SORCS1: variants seen among roughly 807,000 people sequenced by gnomAD.
SORCS1 encodes the protein VPS10 domain-containing receptor SorCS1.
SORCS1 carries 60 observed loss-of-function variants against 146.1 expected under a neutral mutation model. The ratio of observed to expected loss-of-function variants is 0.41; its 90% CI spans 0.33 to 0.51. The LOEUF is 0.51. Among genes scored for constraint, SORCS1 ranks in the 20% least tolerant of loss-of-function variants. The probability of loss-of-function intolerance (pLI) is 0.21; values close to 1 mark genes in which losing one functional copy is unlikely to be tolerated. For synonymous variants in SORCS1, 637 were observed against 584.0 expected, an observed-to-expected ratio of 1.09 and a Z score of -1.31; for missense variants, 1,352 against 1,487.6, an observed-to-expected ratio of 0.91 and a Z score of 1.50.
intron 3 of SORCS1, among the ~76,000 whole-genome samples, chr10:106,808,910 A>G (rs1212475627): frequency 6.6e-6 from 1 of 151,678 alleles, no homozygotes; most frequent in African/African-American, 2.4e-5. Context: ...TCAATCTGAA[A>G]CTCCCTCCAC....
chr10:106,701,142 T>C (rs1280805015), intron 8 of SORCS1, among the ~76,000 whole-genome samples: 2 of 152,222 alleles, frequency 1.3e-5, no homozygotes, highest in East Asian at 1.9e-4. Flanking sequence ...GTAAAGGCTA[T>C]GTAAATAGTT....
intron 1 of SORCS1, among the ~76,000 whole-genome samples, chr10:107,024,940 G>A (rs1043737690): frequency 5.3e-4 from 80 of 152,274 alleles, no homozygotes; most frequent in African/African-American, 1.9e-3. Flanking sequence ...ACTCTATTTT[G>A]GAAGAATCAG....
Position 106,880,794 on chromosome 10 carries a change from C to T in SORCS1, c.627-51121G>A, listed in dbSNP as rs150639200. 1.6e-4 allele frequency among the ~76,000 whole-genome samples: 25 copies of T among 152,088 alleles called. No individual in the cohort carries two copies. The East Asian group carries it at 4.7e-3, about 28-fold the overall frequency. On this transcript the variant is annotated intron_variant, in intron 2 of 25. Coordinates refer to ENST00000263054, the MANE Select transcript of SORCS1 (RefSeq NM_052918.5). ...CTAAGAAACAAGCAGTAGGCCATTT[C>T]GAAAGCAGAATAAGCCGGGCACGGT...
chr10:106,709,373 G>C (rs376118085), intron 6 of SORCS1, 32 bp from the exon 7 acceptor site: 13 of 1,368,524 alleles, frequency 9.5e-6, no homozygotes, highest in Admixed American at 1.7e-5. Flanking sequence ...AAAAACATGG[G>C]GTTGAGGGGG....
chr10:106,840,678 G>A (rs1948985748), intron 2 of SORCS1, among the ~76,000 whole-genome samples: 1 of 151,932 alleles, frequency 6.6e-6, no homozygotes, highest in Non-Finnish European at 1.5e-5. Flanking sequence ...AATTTTTCAT[G>A]AAAGGAAGAG....
chr10:106,605,283 C>T (rs1431421063), intron 23 of SORCS1, among the ~76,000 whole-genome samples: 1 of 152,200 alleles, frequency 6.6e-6, no homozygotes, highest in Non-Finnish European at 1.5e-5. Flanking sequence ...AAGACACATC[C>T]ATACATAAGT....
At chr10:106,956,635 A>G (rs1350345319) in intron 1 of SORCS1, 55 bp from the exon 2 acceptor site, 1 of 1,504,564 alleles carries the variant, frequency 6.6e-7, no homozygotes, top group African/African-American at 1.4e-5. Context: ...ATCTCTTAGA[A>G]CTGAAATGGC....
intron 24 of SORCS1, among the ~76,000 whole-genome samples, chr10:106,585,658 A>C (rs1845188016): frequency 6.6e-6 from 1 of 152,236 alleles, no homozygotes; most frequent in African/African-American, 2.4e-5. Context: ...GGCAAGAGGT[A>C]AAATCTGTTT....
chr10:106,814,093 C>T (rs191173911), intron 3 of SORCS1, among the ~76,000 whole-genome samples: 1 of 152,294 alleles, frequency 6.6e-6, no homozygotes, highest in East Asian at 1.9e-4. Context: ...AGTACTGAGA[C>T]CTGGACTTAC....
intron 9 of SORCS1, among the ~76,000 whole-genome samples, chr10:106,691,916 C>T (rs1853324783): frequency 9.7e-6 from 1 of 103,444 alleles, no homozygotes; most frequent in South Asian, 3.8e-4. Flanking sequence ...CCAATTTGGT[C>T]ATCCCCTGTG....
At chr10:106,700,496 G>A (rs930858327) in intron 8 of SORCS1, among the ~76,000 whole-genome samples, 8 of 152,046 alleles carry the variant, frequency 5.3e-5, no homozygotes, top group Admixed American at 6.6e-5. Context: ...GAAGAACAAC[G>A]TAGAACAATT....
intron 1 of SORCS1, among the ~76,000 whole-genome samples, chr10:106,983,488 G>A (rs1956326158): frequency 6.6e-6 from 1 of 152,006 alleles, no homozygotes; most frequent in East Asian, 1.9e-4. Flanking sequence ...TCTTTCCACA[G>A]GACAATGAGG....
At chr10:106,977,589 A>ATTTTTT (rs35526585) in intron 1 of SORCS1, among the ~76,000 whole-genome samples, 7 of 133,448 alleles carry the variant, frequency 5.2e-5, no homozygotes, top group African/African-American at 2.0e-4. Context: ...CATTCATTGG[A>ATTTTTT]TTTTTTTTTT....
chr10:106,856,543 C>T (rs1241011369), intron 2 of SORCS1, among the ~76,000 whole-genome samples: 20 of 152,172 alleles, frequency 1.3e-4, no homozygotes, highest in Admixed American at 1.3e-3. Context: ...CTAGTTTCTC[C>T]TGAGGGCAGG....
rs186617254 is a variant in SORCS1, at chr10:106,813,588, A to T, written c.726+15986T>A. Among the ~76,000 whole-genome samples the T allele has an allele frequency of 2.6e-5, 4 of 152,266 alleles. No individual in the cohort carries two copies. In the East Asian group the frequency reaches 7.7e-4, roughly 29 times the overall value. On this transcript the variant is annotated intron_variant, in intron 3 of 25. Transcript: ENST00000263054. ...TGTCTTGTTACAGAAATGGCATGAC[A>T]TCTCCCTGCCATTGAAAATCTATCT...
At chr10:106,634,729 C>T (rs946839322) in intron 18 of SORCS1, among the ~76,000 whole-genome samples, 7 of 152,108 alleles carry the variant, frequency 4.6e-5, no homozygotes, top group Non-Finnish European at 7.3e-5. Context: ...TCTGTCTACC[C>T]ACTAGTAAGA....
intron 5 of SORCS1, among the ~76,000 whole-genome samples, chr10:106,740,520 G>A (rs1857289719): frequency 6.6e-6 from 1 of 152,048 alleles, no homozygotes; most frequent in Non-Finnish European, 1.5e-5. Context: ...ATTCAATATG[G>A]AACACAGAGA....
chr10:106,967,235 A>G (rs1955537161), intron 1 of SORCS1, among the ~76,000 whole-genome samples: 1 of 152,172 alleles, frequency 6.6e-6, no homozygotes, highest in African/African-American at 2.4e-5. Flanking sequence ...TTTATTTTGA[A>G]TAATAAAAAG....
intron 1 of SORCS1, among the ~76,000 whole-genome samples, chr10:107,124,964 T>TG (rs1454871753): frequency 3.4e-5 from 5 of 147,600 alleles, no homozygotes; most frequent in Admixed American, 6.7e-5. Context: ...TTTTTTTTTT[T>TG]TTTTTTTGAG....
Sources: allele counts gnomAD v4.1 joint callset (sites outside exome capture counted in the v4.1 genomes callset), GRCh38; gene constraint gnomAD v4.1.1; transcripts MANE v1.5; gene names NCBI Gene and HGNC (gene_info 2026-07-23, HGNC 2026-07-21).